The following TMPRSS5 variants were observed in gnomAD, a reference collection of about 807,000 sequenced individuals.
TMPRSS5 encodes transmembrane serine protease 5, also known as transmembrane protease serine 5.
A neutral mutation model predicts 59.7 loss-of-function variants in TMPRSS5; 45 were observed. The observed-to-expected ratio is 0.75, with a 90% CI of 0.59 to 0.97. The LOEUF (loss-of-function observed/expected upper bound fraction) is 0.97. TMPRSS5 is among the 50% of genes least tolerant of loss of function. The pLI is 0.00. For synonymous variants in TMPRSS5, 225 were observed against 232.0 expected, an observed-to-expected ratio of 0.97 and a Z score of 0.27; for missense variants, 585 against 596.7, an observed-to-expected ratio of 0.98 and a Z score of 0.20.
chr11:113,689,340 GA>G (rs970036041), intron 12 of TMPRSS5, among the ~76,000 whole-genome samples: 12 of 152,054 alleles, frequency 7.9e-5, no homozygotes, highest in Admixed American at 5.9e-4. Context: ...TGGGCAACAA[GA>G]GCAAAACTCC....
rs1215761472 is a variant in TMPRSS5, at chr11:113,695,420, A to C, written c.602T>G (p.Val201Gly). 1 of 1,613,936 alleles carries C rather than the reference A, an allele frequency of 6.2e-7. No homozygotes were observed. The highest frequency in any genetic ancestry group is 8.5e-7 in the Non-Finnish European group (1 of 1,179,848). ...CTCACCAGAGCATCTGAGGGAAACA[A>C]CTTGACCAGAAGTGCAGTTGTTCCT... Reference protein sequence around the residue: ...QPRNNCTSGQVVSLRCSECGA... With the variant: ...QPRNNCTSGQGVSLRCSECGA... The change falls in exon 7 of 13, where the codon GTT becomes GGT. Residue 201 changes from valine (V) to glycine (G), a missense_variant. Transcript: ENST00000299882.
intron 12 of TMPRSS5, among the ~76,000 whole-genome samples, chr11:113,689,007 G>T (rs1237719548): frequency 6.6e-6 from 1 of 152,216 alleles, no homozygotes. Flanking sequence ...AGGGAATGTG[G>T]CCACTAGTAA....
intron 5 of TMPRSS5, 122 bp downstream of exon 5, chr11:113,697,160 CA>C: frequency 7.0e-7 from 1 of 1,437,882 alleles, no homozygotes. Flanking sequence ...AGAAGATGGC[CA>C]AAAAGACCTC....
At chr11:113,701,489 C>CGG (rs57193385) in intron 1 of TMPRSS5, among the ~76,000 whole-genome samples, 15,100 of 144,462 alleles carry the variant, frequency 0.1, 957 homozygotes, top group South Asian at 0.16. Flanking sequence ...TTTTTTTTGG[C>CGG]GGGGGGGGGT....
rs371803548 is a variant in TMPRSS5, at chr11:113,697,359, G to C, written c.388C>G (p.Arg130Gly). 1 of 1,613,818 alleles carries C rather than the reference G, an allele frequency of 6.2e-7. No individual in the cohort carries two copies. The highest frequency in any genetic ancestry group is 8.5e-7 in the Non-Finnish European group (1 of 1,179,720). ...LLEAQVRDQP[R>G]WLLVCHEGWS... Reference sequence around the variant, plus strand: ...CCCTCATGGCAGACCAGGAGCCAGCGTGGCTGATCCCTCACTTGCGCTTCC... The same window carrying C: ...CCCTCATGGCAGACCAGGAGCCAGCCTGGCTGATCCCTCACTTGCGCTTCC... The change falls in exon 5 of 13, where the codon CGC (arginine) becomes GGC (glycine). Residue 130 changes from arginine (R) to glycine (G), a missense_variant. By Grantham distance (125) the Arg-to-Gly change is moderately radical (BLOSUM62 -2). Coordinates refer to ENST00000299882, the MANE Select transcript of TMPRSS5 (RefSeq NM_030770.4).
At chr11:113,699,806 T>A in intron 2 of TMPRSS5, 113 bp from the exon 3 acceptor site, 2 of 1,388,792 alleles carry the variant, frequency 1.4e-6, no homozygotes, top group Admixed American at 4.0e-5. Context: ...ACAGGACACC[T>A]CCTCCTGCCC....
chr11:113,701,231 T>C (rs760092685), intron 1 of TMPRSS5, among the ~76,000 whole-genome samples: 1 of 151,950 alleles, frequency 6.6e-6, no homozygotes, highest in African/African-American at 2.4e-5. Flanking sequence ...CAGGTAGAGG[T>C]TGGAATAGTT....
At chr11:113,691,987 A>G (rs1297434698) in intron 9 of TMPRSS5, among the ~76,000 whole-genome samples, 2 of 147,418 alleles carry the variant, frequency 1.4e-5, no homozygotes, top group Middle Eastern at 7.6e-3. Context: ...TCCCAGGTTC[A>G]AGTGATCCTC....
chr11:113,698,769 C>T, intron 4 of TMPRSS5, 136 bp downstream of exon 4: 1 of 1,008,788 alleles, frequency 9.9e-7, no homozygotes, highest in East Asian at 2.6e-5. Flanking sequence ...CACCTTGTCA[C>T]TGCCCTCACA....
At chr11:113,692,877 G>A (rs1336177295) in intron 9 of TMPRSS5, among the ~76,000 whole-genome samples, 194 bp downstream of exon 9, 3 of 152,148 alleles carry the variant, frequency 2.0e-5, no homozygotes, top group South Asian at 2.1e-4. Context: ...TTTCCCAAAA[G>A]AGCCTGTACA....
intron 12 of TMPRSS5, 71 bp downstream of exon 12, chr11:113,689,694 G>T: frequency 1.3e-6 from 2 of 1,537,996 alleles, no homozygotes; most frequent in African/African-American, 2.7e-5. Flanking sequence ...GGGCCTAAGG[G>T]GTAAGGTTCC....
At chr11:113,703,192 A>G (rs2089652) in intron 1 of TMPRSS5, among the ~76,000 whole-genome samples, 32,461 of 152,250 alleles carry the variant, frequency 0.21, 3,714 homozygotes, top group Middle Eastern at 0.34. Flanking sequence ...AAGGCCATGG[A>G]AGCCCACCTC....
intron 9 of TMPRSS5, among the ~76,000 whole-genome samples, chr11:113,691,303 T>C (rs894166052): frequency 6.6e-6 from 1 of 152,174 alleles, no homozygotes; most frequent in African/African-American, 2.4e-5. Context: ...ACATATCCCA[T>C]GGGTGCAGCC....
chr11:113,694,513 T>C lies in TMPRSS5; in HGVS notation c.750A>G (p.Pro250=). The C allele has an allele frequency of 6.4e-7, 1 of 1,567,060 alleles. No homozygotes were observed. Among genetic ancestry groups the C allele is most frequent in the Non-Finnish European group, 8.7e-7 (1 of 1,155,552 alleles). ...AATGTGCAGCAGTCACCACCCAGCG[T>C]GGCGCTAGCACAGAGCCCCCACACG... ...RHTCGGSVLA[P]RWVVTAAHCM... The change falls in exon 8 of 13, where the codon CCA becomes CCG. Residue 250 remains proline (P), a synonymous_variant. Coordinates refer to ENST00000299882, the MANE Select transcript of TMPRSS5 (RefSeq NM_030770.4).
intron 9 of TMPRSS5, among the ~76,000 whole-genome samples, chr11:113,692,170 G>A (rs376308566): frequency 1.3e-5 from 2 of 152,198 alleles, no homozygotes; most frequent in African/African-American, 4.8e-5. Context: ...TTACAGGCGT[G>A]AGCCGCCATG....
chr11:113,690,600 G>A (rs185574660), intron 10 of TMPRSS5, among the ~76,000 whole-genome samples: 130 of 152,190 alleles, frequency 8.5e-4, no homozygotes, highest in African/African-American at 3.1e-3. Context: ...AGACCATGGC[G>A]CTCCTGGGAC....
rs562337886 is a variant in TMPRSS5, at chr11:113,690,267, G to A, written c.1170C>T (p.Cys390=). 40 of 1,542,836 alleles carry A rather than the reference G, an allele frequency of 2.6e-5. No homozygotes were observed. The highest frequency in any genetic ancestry group is 5.5e-5 in the African/African-American group (4 of 72,536). ...CAGCCCTTCCGTCCAGGTAGCCAGC[G>A]CAAAGCATGCGGGGGGTGAGGGCTC... ...YSGALTPRML[C]AGYLDGRADA... is the part of the protein sequence containing the mutation. The change falls in exon 11 of 13, where the codon TGC becomes TGT. Residue 390 remains cysteine, a synonymous_variant. Coordinates refer to ENST00000299882, the MANE Select transcript of TMPRSS5 (RefSeq NM_030770.4).
chr11:113,706,164 G>A (rs1953286257), intron 1 of TMPRSS5, 58 bp downstream of exon 1: 7 of 1,571,240 alleles, frequency 4.5e-6, no homozygotes, highest in Admixed American at 1.9e-5. Context: ...GCAGAGGAGG[G>A]AGAGAGAAAG....
In TMPRSS5 at chr11:113,689,764, C is replaced by T. The variant is rs760593676; in HGVS notation, c.1359+1G>A. ...TGCCCTACTCCTGCCCCCACACTCACCTGAGCAGTGTCATGGATCCAGTCC... is the reference window on the plus strand; with the variant it reads ...TGCCCTACTCCTGCCCCCACACTCATCTGAGCAGTGTCATGGATCCAGTCC... On this transcript the variant is annotated splice_donor_variant, in intron 12 of 12. Coordinates refer to ENST00000299882, the MANE Select transcript of TMPRSS5 (RefSeq NM_030770.4). LOFTEE classifies it high-confidence loss of function. 4 of 1,609,858 alleles carry T rather than the reference C, an allele frequency of 2.5e-6. No individual in the cohort carries two copies. The African/African-American group carries it at 4.0e-5, about 16-fold the overall frequency.
Sources: gnomAD v4.1 joint callset for allele counts (sites outside exome capture counted in the v4.1 genomes callset) on GRCh38, gnomAD v4.1.1 for gene constraint, MANE v1.5 for transcripts, NCBI Gene and HGNC (gene_info 2026-07-23, HGNC 2026-07-21) for gene names.